Variants in TET2 observed in about 807,000 individuals in gnomAD.
The protein encoded by TET2 is methylcytosine dioxygenase TET2.
TET2 carries 299 observed loss-of-function variants against 142.9 expected under a neutral mutation model. The observed-to-expected ratio is 2.09, with a 90% CI of 1.90 to 2.30. The LOEUF (loss-of-function observed/expected upper bound fraction) is 2.30, where lower values mean the gene tolerates loss of function less well. TET2 is among the 30% of genes most tolerant of loss of function. The pLI, the probability that TET2 is intolerant of heterozygous loss-of-function variation, is 0.00. For missense variants in TET2, 2,418 were observed against 2,378.0 expected, an observed-to-expected ratio of 1.02 and a Z score of -0.35; for synonymous variants, 819 against 849.0, an observed-to-expected ratio of 0.96 and a Z score of 0.61.
At chr4:105,224,474 C>T (rs1367371262) in intron 2 of TET2, among the ~76,000 whole-genome samples, 1 of 152,050 alleles carries the variant, frequency 6.6e-6, no homozygotes, top group Non-Finnish European at 1.5e-5. Context: ...GCCAATGCGA[C>T]TAGAATTTAT....
At chr4:105,252,128 C>G (rs921907644) in intron 6 of TET2, among the ~76,000 whole-genome samples, 2 of 152,168 alleles carry the variant, frequency 1.3e-5, no homozygotes, top group African/African-American at 4.8e-5. Flanking sequence ...TTCACCATTA[C>G]AGTATCATTC....
At chr4:105,180,264 CT>C (rs1032432403) in intron 1 of TET2, among the ~76,000 whole-genome samples, 36 of 152,162 alleles carry the variant, frequency 2.4e-4, no homozygotes, top group African/African-American at 8.7e-4. Flanking sequence ...TCAGTGGCTT[CT>C]TTTTGCCAAA....
At chr4:105,204,379 T>C (rs915285759) in intron 2 of TET2, among the ~76,000 whole-genome samples, 5 of 152,124 alleles carry the variant, frequency 3.3e-5, no homozygotes, top group African/African-American at 1.2e-4. Context: ...AGGTACTTAA[T>C]AGATATTTAA....
intron 3 of TET2, chr4:105,240,301 C>T (rs2110246034): frequency 9.6e-7 from 1 of 1,039,550 alleles, no homozygotes; most frequent in South Asian, 4.7e-5. Flanking sequence ...GAACAAAGCA[C>T]AATAAAACGA....
intron 8 of TET2, among the ~76,000 whole-genome samples, chr4:105,266,860 A>G (rs1305417335): frequency 2.0e-5 from 3 of 152,194 alleles, no homozygotes; most frequent in African/African-American, 7.2e-5. Context: ...AGATTTGTTC[A>G]AAACTGTGAA....
intron 3 of TET2, chr4:105,238,303 G>T (rs1383352124): frequency 4.2e-6 from 1 of 239,088 alleles, no homozygotes; most frequent in African/African-American, 2.2e-5. Flanking sequence ...GGCTGTGTGT[G>T]TGGCAATTTC....
At chr4:105,158,588 A>AC (rs1723679089) in intron 1 of TET2, among the ~76,000 whole-genome samples, 6 of 152,184 alleles carry the variant, frequency 3.9e-5, no homozygotes, top group Admixed American at 2.0e-4. Flanking sequence ...TACTTAGTGT[A>AC]TATCTCTGGT....
At position 105,237,339 on chromosome 4, in the gene TET2, T is replaced by C. The variant is rs1729015211; in HGVS notation, c.3397T>C (p.Cys1133Arg). 1 of 1,614,068 alleles carries C rather than the reference T, an allele frequency of 6.2e-7. No homozygotes were observed. Among genetic ancestry groups the C allele is most frequent in the Non-Finnish European group, 8.5e-7 (1 of 1,180,006 alleles). Residue 1133 changes from cysteine to arginine, a missense_variant, in exon 3 of 11, where the codon TGC becomes CGC. Cys to Arg is a radical substitution (Grantham distance 180, BLOSUM62 -3). Transcript: ENST00000380013. ...CAAGACTCAATATGATTTCCCATCT[T>C]GCAGATGTGTAGGTAAGTGCCAGAA... ...PVKTQYDFPS[C>R]RCVEQIIEKD...
chr4:105,224,909 A>G (rs745916023), intron 2 of TET2, among the ~76,000 whole-genome samples: 1 of 152,166 alleles, frequency 6.6e-6, no homozygotes, highest in African/African-American at 2.4e-5. Context: ...TTGGAAGCCC[A>G]TGCATTACAA....
Position 105,234,745 on chromosome 4 carries a change from C to G in TET2, c.803C>G (p.Ser268Trp), listed in dbSNP as rs756747663. Residue 268 changes from serine to tryptophan, a missense_variant, in exon 3 of 11, where the codon TCG becomes TGG. Physicochemically the swap from Ser to Trp is radical, Grantham distance 177 (BLOSUM62 -3). Transcript: ENST00000380013. ...NELSCEITHP[S>W]HTSGQINSAQ... The stretch of plus-strand genomic sequence containing the variant: ...TTGTCCTGTGAGATCACTCACCCAT[C>G]GCATACCTCAGGGCAGATCAATTCC... 31 of 1,613,832 alleles carry G rather than the reference C, an allele frequency of 1.9e-5. No homozygotes were observed. The highest frequency in any genetic ancestry group is 2.4e-5 in the Non-Finnish European group (28 of 1,179,966).
rs914950397 is a variant in TET2 at position 105,236,426 on chromosome 4, C to A, written c.2484C>A (p.Cys828Ter). 2 of 1,613,834 alleles carry A rather than the reference C, an allele frequency of 1.2e-6. No homozygotes were observed. The highest frequency in any genetic ancestry group is 1.7e-6 in the Non-Finnish European group (2 of 1,179,968). The change falls in exon 3 of 11, where the codon TGC (cysteine) becomes TGA (stop). Residue 828 changes from cysteine to a stop codon, truncating the protein, a stop_gained. Transcript: ENST00000380013. LOFTEE classifies it high-confidence loss of function. ...PYSQTMKSSA[C>*]KIQVSCSNNT... ...GTCAGACCATGAAATCAAGTGCATGCAAAATACAGGTTTCTTGTTCAAACA... is the reference window on the plus strand; with the variant it reads ...GTCAGACCATGAAATCAAGTGCATGAAAAATACAGGTTTCTTGTTCAAACA...
chr4:105,264,066 C>G (rs1256892624), intron 8 of TET2, among the ~76,000 whole-genome samples: 1 of 148,426 alleles, frequency 6.7e-6, no homozygotes, highest in African/African-American at 2.5e-5. Flanking sequence ...GATTTAGCTA[C>G]TCTTCTTTTC....
At position 105,236,659 on chromosome 4, in the gene TET2, T is replaced by G. The variant is rs778285933; in HGVS notation, c.2717T>G (p.Met906Arg). Residue 906 changes from methionine to arginine, a missense_variant, in exon 3 of 11, where the codon ATG (methionine) becomes AGG (arginine). By Grantham distance (91) the Met-to-Arg change is moderately conservative (BLOSUM62 -1). Transcript: ENST00000380013. ...LQGYKNRNQD[M>R]SGQQAAQLAQ... ...GGATATAAAAATAGAAACCAAGATA[T>G]GTCTGGTCAACAAGCTGCGCAACTT... 1 of 1,613,968 alleles carries G rather than the reference T, an allele frequency of 6.2e-7. No homozygotes were observed. Among genetic ancestry groups the G allele is most frequent in the African/African-American group, 1.3e-5 (1 of 74,940 alleles).
intron 1 of TET2, among the ~76,000 whole-genome samples, chr4:105,170,978 A>C (rs1278786052): frequency 6.6e-6 from 1 of 152,148 alleles, no homozygotes; most frequent in Non-Finnish European, 1.5e-5. Flanking sequence ...GAGAAATTGC[A>C]CTGTTTCCAA....
At chr4:105,189,955 G>A (rs1725686982) in intron 1 of TET2, among the ~76,000 whole-genome samples, 1 of 152,158 alleles carries the variant, frequency 6.6e-6, no homozygotes, top group South Asian at 2.1e-4. Context: ...ACAGTCACCT[G>A]GAGAATAAAG....
intron 2 of TET2, among the ~76,000 whole-genome samples, chr4:105,205,877 A>C (rs1482537712): frequency 1.3e-5 from 2 of 152,028 alleles, no homozygotes; most frequent in African/African-American, 4.8e-5. Flanking sequence ...CAGGTGATCC[A>C]CCTGCTTCAG....
At chr4:105,252,480 G>C (rs1430667422) in intron 6 of TET2, among the ~76,000 whole-genome samples, 1 of 152,138 alleles carries the variant, frequency 6.6e-6, no homozygotes, top group Non-Finnish European at 1.5e-5. Flanking sequence ...TGTTATAAAA[G>C]TATGTAGGTT....
At chr4:105,208,388 G>T (rs1358363968) in intron 2 of TET2, among the ~76,000 whole-genome samples, 1 of 152,050 alleles carries the variant, frequency 6.6e-6, no homozygotes, top group Non-Finnish European at 1.5e-5. Flanking sequence ...CATTGAGCAG[G>T]ACTCCCCAAC....
At chr4:105,237,770 G>A in intron 3 of TET2, 6 of 1,144,096 alleles carry the variant, frequency 5.2e-6, no homozygotes, top group East Asian at 4.9e-5. Flanking sequence ...TTTAATTCAA[G>A]GTAAAATATA....
Sources: gnomAD v4.1 joint callset for allele counts (sites outside exome capture counted in the v4.1 genomes callset) on GRCh38, gnomAD v4.1.1 for gene constraint, MANE v1.5 for transcripts, NCBI Gene and HGNC (gene_info 2026-07-23, HGNC 2026-07-21) for gene names.